The following TCP11L2 variants were observed in gnomAD, a reference collection of about 807,000 sequenced individuals.
TCP11L2 encodes t-complex 11 like 2, also known as T-complex protein 11-like protein 2.
TCP11L2 carries 39 observed loss-of-function variants against 50.7 expected under a neutral mutation model. That is an observed-to-expected ratio of 0.77 (90% CI 0.60 to 1.01). TCP11L2 has a LOEUF of 1.01. Among genes scored for constraint, TCP11L2 ranks in the 50% least tolerant of loss-of-function variants. The pLI is 0.00. For missense variants in TCP11L2, 612 were observed against 614.7 expected (o/e 1.00, Z 0.05); for synonymous variants, 192 against 219.3 (o/e 0.88, Z 1.10).
Position 106,321,580 on chromosome 12 carries a change from A to G in TCP11L2, c.509A>G (p.His170Arg). 6.2e-7 allele frequency: 1 copy of G among 1,614,248 alleles called. No homozygotes were observed. The highest frequency in any genetic ancestry group is 2.2e-5 in the East Asian group (1 of 44,892). Residue 170 changes from histidine (H) to arginine (R), a missense_variant, in exon 5 of 10, where the codon CAC becomes CGC. Coordinates refer to ENST00000299045, the MANE Select transcript of TCP11L2 (RefSeq NM_152772.3). The part of the protein sequence containing the change: ...DTDLIRQQAE[H>R]SAVDIQGLAN... ...GACCTCATTAGGCAGCAGGCTGAGC[A>G]CAGTGCTGTTGACATCCAAGGCCTG...
chr12:106,301,757 G>A (rs2034421862), upstream of TCP11L2, among the ~76,000 whole-genome samples: 1 of 152,178 alleles, frequency 6.6e-6, no homozygotes, highest in African/African-American at 2.4e-5. Context: ...AACAGTTGGG[G>A]GAAGCTTGTT....
intron 6 of TCP11L2, among the ~76,000 whole-genome samples, chr12:106,327,029 T>C (rs1440379601): frequency 6.6e-6 from 1 of 152,222 alleles, no homozygotes; most frequent in Non-Finnish European, 1.5e-5. Flanking sequence ...GTTGCTTTCA[T>C]TTGTGTACCT....
At chr12:106,327,640 T>A (rs2035604214) in intron 6 of TCP11L2, among the ~76,000 whole-genome samples, 1 of 152,204 alleles carries the variant, frequency 6.6e-6, no homozygotes, top group South Asian at 2.1e-4. Context: ...AAGCAGAGTG[T>A]ATGTCAGCTG....
At chr12:106,318,181 AAAT>A (rs1253632298) in intron 3 of TCP11L2, among the ~76,000 whole-genome samples, 160 bp from the exon 4 acceptor site, 4 of 142,768 alleles carry the variant, frequency 2.8e-5, no homozygotes, top group Middle Eastern at 3.4e-3. Context: ...AGCTATGTTA[AAAT>A]AATGCATTCA....
Position 106,314,507 on chromosome 12 carries a change from A to G in TCP11L2, c.293+14A>G, listed in dbSNP as rs1224592150. ...CCCAGAAAAGAGGTAACCTGGGGGC[A>G]TTTGTTGTATATAAACTGCTGAAGA... On this transcript the variant is annotated intron_variant, in intron 3 of 9. Transcript: ENST00000299045. The G allele has an allele frequency of 1.3e-6, 2 of 1,575,152 alleles. No homozygotes were observed. The highest frequency in any genetic ancestry group is 3.4e-5 in the Admixed American group (2 of 58,116).
intron 4 of TCP11L2, among the ~76,000 whole-genome samples, chr12:106,320,245 A>G (rs1259497198): frequency 1.3e-5 from 2 of 152,154 alleles, no homozygotes; most frequent in African/African-American, 4.8e-5. Context: ...TAAAAATACA[A>G]AAATTAGCTG....
chr12:106,339,236 A>G (rs903585585), intron 8 of TCP11L2, among the ~76,000 whole-genome samples: 2 of 152,196 alleles, frequency 1.3e-5, no homozygotes, highest in African/African-American at 4.8e-5. Context: ...ATGATTAGTG[A>G]TGTTGAGCAT....
At chr12:106,305,562 A>C (rs2034593824) in intron 1 of TCP11L2, among the ~76,000 whole-genome samples, 1 of 152,196 alleles carries the variant, frequency 6.6e-6, no homozygotes, top group African/African-American at 2.4e-5. Flanking sequence ...AATGTGAGTG[A>C]GGCAGAAAAG....
chr12:106,333,279 T>C (rs951285760), intron 6 of TCP11L2, among the ~76,000 whole-genome samples: 3 of 152,368 alleles, frequency 2.0e-5, no homozygotes, highest in Non-Finnish European at 4.4e-5. Context: ...CTTAAGTCTT[T>C]TATTTTGAAA....
chr12:106,334,051 AG>A (rs1222068191), intron 6 of TCP11L2, among the ~76,000 whole-genome samples: 2 of 152,152 alleles, frequency 1.3e-5, no homozygotes, highest in African/African-American at 4.8e-5. Context: ...GATTGGGTAG[AG>A]TGCTTGGAAG....
intron 4 of TCP11L2, among the ~76,000 whole-genome samples, chr12:106,319,420 C>G (rs2035252703): frequency 6.6e-6 from 1 of 152,140 alleles, no homozygotes; most frequent in African/African-American, 2.4e-5. Context: ...ATTGGCCACT[C>G]TTTTTCAAAA....
At chr12:106,341,044 C>T in intron 9 of TCP11L2, 46 bp downstream of exon 9, 1 of 1,536,882 alleles carries the variant, frequency 6.5e-7, no homozygotes, top group Non-Finnish European at 8.8e-7. Context: ...TTTGCTTTAA[C>T]TTGCTGATTT....
chr12:106,330,102 A>G (rs1411366224), intron 6 of TCP11L2: 2 of 985,290 alleles, frequency 2.0e-6, no homozygotes, highest in Non-Finnish European at 1.2e-6. Flanking sequence ...ATAAAAAGCA[A>G]TTTGTTTCTA....
In TCP11L2 at chr12:106,322,270, A is replaced by G. The variant is rs553414385; in HGVS notation, c.635+564A>G. On this transcript the variant is annotated intron_variant, in intron 5 of 9. Coordinates refer to ENST00000299045, the MANE Select transcript of TCP11L2 (RefSeq NM_152772.3). ...TGGCTCTACCCTTGCTCAGGTCCTT[A>G]CAGTCCTCTCCATTCAGCTGGCAAA... 9.9e-5 allele frequency among the ~76,000 whole-genome samples: 15 copies of G among 152,220 alleles called. No homozygotes were observed. The South Asian group carries it at 3.1e-3, about 32-fold the overall frequency.
At chr12:106,331,172 T>TTGCCAAATACCAG (rs1259572474) in intron 6 of TCP11L2, among the ~76,000 whole-genome samples, 3 of 152,172 alleles carry the variant, frequency 2.0e-5, no homozygotes, top group Non-Finnish European at 4.4e-5. Context: ...GGAATAGCCC[T>TTGCCAAATACCAG]TGCCAAATAC....
In TCP11L2 at chr12:106,302,812, G is replaced by C. The variant is rs1188643451; in HGVS notation, c.-165G>C. The stretch of plus-strand genomic sequence containing the variant: ...AAATACCGCGTTGGGGGGGACACTG[G>C]GGCTGGGGGGGTTTGTTGGGCTGGT... On this transcript the variant is annotated 5_prime_UTR_variant, in exon 1 of 10. Transcript: ENST00000299045. 1 of 152,704 alleles carries C rather than the reference G, an allele frequency of 6.5e-6. No homozygotes were observed. The highest frequency in any genetic ancestry group is 1.5e-5 in the Non-Finnish European group (1 of 68,576). The allele number at this position is 152,704 out of a possible 1,614,324, so 9.5% of individuals were successfully genotyped here. A position where few individuals can be genotyped will look rare whatever the true frequency, so the allele number is the denominator to read the frequency against.
Position 106,340,950 on chromosome 12 carries a change from C to A in TCP11L2, c.1267C>A (p.Gln423Lys), listed in dbSNP as rs758990315. ...TGAGATTCAAGCTAATCTTATAGGT[C>A]AATTTTCAAGCATTGAAGAGGAGGA... Reference protein sequence around the residue: ...NAEIQANLIGQFSSIEEEDNP... With the variant: ...NAEIQANLIGKFSSIEEEDNP... The change falls in exon 9 of 10, where the codon CAA becomes AAA. Residue 423 changes from glutamine (Q) to lysine (K), a missense_variant. Transcript: ENST00000299045. 4 of 1,613,316 alleles carry A rather than the reference C, an allele frequency of 2.5e-6. No individual in the cohort carries two copies. In the East Asian group the frequency reaches 8.9e-5, roughly 36 times the overall value.
intron 6 of TCP11L2, among the ~76,000 whole-genome samples, chr12:106,328,688 T>C (rs34762209): frequency 0.21 from 32,009 of 152,184 alleles, 3,827 homozygotes; most frequent in Non-Finnish European, 0.27. Flanking sequence ...CTGAGTTGTA[T>C]TGCAAGGAAC....
At position 106,314,453 on chromosome 12, in the gene TCP11L2, G is replaced by A. The variant is rs765611865; in HGVS notation, c.253G>A (p.Glu85Lys). ...LTLAHEIAVN[E>K]NFQLKQEALP... ...TCTTGCTCATGAGATTGCTGTAAAT[G>A]AGAACTTTCAATTGAAACAAGAGGC... The change falls in exon 3 of 10, where the codon GAG becomes AAG. Residue 85 changes from glutamate to lysine, a missense_variant. Coordinates refer to ENST00000299045, the MANE Select transcript of TCP11L2 (RefSeq NM_152772.3). The A allele has an allele frequency of 4.3e-6, 7 of 1,613,388 alleles. No homozygotes were observed. In the South Asian group the frequency reaches 5.5e-5, roughly 13 times the overall value.
Sources: allele counts gnomAD v4.1 joint callset (sites outside exome capture counted in the v4.1 genomes callset), GRCh38; gene constraint gnomAD v4.1.1; transcripts MANE v1.5; gene names NCBI Gene and HGNC (gene_info 2026-07-23, HGNC 2026-07-21).